EXT1: variants seen among roughly 807,000 people sequenced by gnomAD.
EXT1 encodes exostosin glycosyltransferase 1.
Under a neutral mutation model 82.5 loss-of-function variants are expected in EXT1, and 20 were observed. The ratio of observed to expected loss-of-function variants is 0.24; its 90% confidence interval spans 0.17 to 0.35. EXT1 has a LOEUF of 0.35. Ranked by LOEUF, EXT1 falls within the 10% of genes least tolerant of loss-of-function variation. The pLI is 1.00. For synonymous variants in EXT1, 348 were observed against 350.8 expected, an observed-to-expected ratio of 0.99 and a Z score of 0.09; for missense variants, 757 against 936.5, an observed-to-expected ratio of 0.81 and a Z score of 2.50.
At chr8:117,986,055 T>C (rs1815310260) in intron 1 of EXT1, among the ~76,000 whole-genome samples, 1 of 152,210 alleles carries the variant, frequency 6.6e-6, no homozygotes, top group Admixed American at 6.5e-5. Flanking sequence ...CGGTGACTCC[T>C]GAGTGTTAGG....
In EXT1 at chr8:117,804,734, T is replaced by G. The variant is rs746481404; in HGVS notation, c.2043A>C (p.Thr681=). 1 of 1,614,122 alleles carries G rather than the reference T, an allele frequency of 6.2e-7. No homozygotes were observed. Among genetic ancestry groups the G allele is most frequent in the Admixed American group, 1.7e-5 (1 of 60,024 alleles). The change falls in exon 10 of 11, where the codon ACA becomes ACC. Residue 681 remains threonine, a synonymous_variant. Coordinates refer to ENST00000378204, the MANE Select transcript of EXT1 (RefSeq NM_000127.3). ...CTTCTATACTTACCTGTCCCATCAT[T>G]GTCTCCTTATACTGCTTCTTCTGGG... ...KVTQKKQYKE[T]MMGQTSRASR... is the part of the protein sequence containing the mutation.
intron 1 of EXT1, among the ~76,000 whole-genome samples, chr8:118,100,778 G>C (rs1032087273): frequency 4.6e-5 from 7 of 151,846 alleles, no homozygotes; most frequent in African/African-American, 9.7e-5. Context: ...CTGGAAAAGA[G>C]ATCACCTGCA....
At chr8:117,893,635 C>G (rs561433759) in intron 1 of EXT1, among the ~76,000 whole-genome samples, 2 of 152,288 alleles carry the variant, frequency 1.3e-5, no homozygotes, top group South Asian at 4.1e-4. Flanking sequence ...TGAGCTTGTC[C>G]CAATCCCTGG....
At chr8:117,965,963 AAAAT>A (rs1015467148) in intron 1 of EXT1, among the ~76,000 whole-genome samples, 3 of 151,420 alleles carry the variant, frequency 2.0e-5, no homozygotes, top group African/African-American at 4.9e-5. Context: ...TGTCCATGGT[AAAAT>A]AAATAAATAA....
At chr8:118,059,800 C>A (rs1816854638) in intron 1 of EXT1, among the ~76,000 whole-genome samples, 12 of 152,202 alleles carry the variant, frequency 7.9e-5, no homozygotes, top group Admixed American at 7.9e-4. Context: ...ATAATACTCA[C>A]CATGTTTGTG....
At chr8:118,014,891 G>A (rs113508370) in intron 1 of EXT1, among the ~76,000 whole-genome samples, 14 of 152,238 alleles carry the variant, frequency 9.2e-5, no homozygotes, top group African/African-American at 2.9e-4. Flanking sequence ...GGATGGGAAC[G>A]GTGAATTCCA....
intron 1 of EXT1, among the ~76,000 whole-genome samples, chr8:117,989,426 G>A (rs1281412883): frequency 2.6e-5 from 4 of 151,988 alleles, no homozygotes; most frequent in South Asian, 2.1e-4. Flanking sequence ...TCAATTACAC[G>A]CTCCTTGAGA....
chr8:117,961,135 T>TCCCTCCTA (rs1187059557), intron 1 of EXT1, among the ~76,000 whole-genome samples: 1 of 151,796 alleles, frequency 6.6e-6, no homozygotes, highest in Non-Finnish European at 1.5e-5. Context: ...CTTCCCTCCT[T>TCCCTCCTA]CCCTCCTTCC....
At chr8:118,101,719 C>G (rs75420977) in intron 1 of EXT1, among the ~76,000 whole-genome samples, 1 of 152,126 alleles carries the variant, frequency 6.6e-6, no homozygotes, top group Non-Finnish European at 1.5e-5. Context: ...TTCAAAGGCC[C>G]CCTGGCAGGA....
At chr8:117,963,641 C>A (rs943745259) in intron 1 of EXT1, among the ~76,000 whole-genome samples, 2 of 152,096 alleles carry the variant, frequency 1.3e-5, no homozygotes, top group Non-Finnish European at 2.9e-5. Flanking sequence ...CAGGAAGACA[C>A]CACACGCCTG....
At position 117,797,607 on chromosome 8, in the gene EXT1, ATAATT is replaced by A. The variant is rs1823104579; in HGVS notation, c.*2100_*2104del. The A allele has an allele frequency of 6.6e-6, 1 of 152,266 alleles. No individual in the cohort carries two copies. The highest frequency in any genetic ancestry group is 6.5e-5 in the Admixed American group (1 of 15,294). 9.4% of individuals were successfully genotyped at this position (152,266 alleles called of 1,614,324 possible). ...GAATAATTTGCCAATCCTGAAAAAA[ATAATT>A]TAAATACAAATTCACAAAGGCCAAA... On this transcript the variant is annotated 3_prime_UTR_variant, in exon 11 of 11. Coordinates refer to ENST00000378204, the MANE Select transcript of EXT1 (RefSeq NM_000127.3).
intron 1 of EXT1, among the ~76,000 whole-genome samples, chr8:118,067,860 C>A (rs954653374): frequency 6.6e-6 from 1 of 152,166 alleles, no homozygotes. Flanking sequence ...AGGGCTGGAT[C>A]AACAGAGTGA....
intron 1 of EXT1, among the ~76,000 whole-genome samples, chr8:118,076,505 T>G (rs1322673245): frequency 6.6e-6 from 1 of 152,224 alleles, no homozygotes; most frequent in East Asian, 1.9e-4. Context: ...AATATGTCTG[T>G]CTCAGCCCCT....
intron 1 of EXT1, among the ~76,000 whole-genome samples, chr8:118,029,317 T>C (rs1374584473): frequency 6.6e-6 from 1 of 152,100 alleles, no homozygotes; most frequent in Non-Finnish European, 1.5e-5. Flanking sequence ...TCCTAGCTAA[T>C]TGGGAGGCTG....
At chr8:118,072,262 T>A (rs1205926053) in intron 1 of EXT1, among the ~76,000 whole-genome samples, 1 of 152,130 alleles carries the variant, frequency 6.6e-6, no homozygotes, top group Non-Finnish European at 1.5e-5. Flanking sequence ...TACCATGGCT[T>A]CAAAAAAGCA....
chr8:118,092,011 A>G (rs1439732644), intron 1 of EXT1, among the ~76,000 whole-genome samples: 1 of 152,176 alleles, frequency 6.6e-6, no homozygotes, highest in Non-Finnish European at 1.5e-5. Flanking sequence ...AATATACACC[A>G]TCCCTGTTCT....
chr8:117,862,765 G>C (rs1342750973), intron 1 of EXT1, among the ~76,000 whole-genome samples: 1 of 145,672 alleles, frequency 6.9e-6, no homozygotes, highest in Non-Finnish European at 1.5e-5. Context: ...CTTATGGGTG[G>C]ACAGTGGCAT....
intron 1 of EXT1, among the ~76,000 whole-genome samples, chr8:117,858,583 C>T (rs1812608250): frequency 6.6e-6 from 1 of 151,434 alleles, no homozygotes; most frequent in South Asian, 2.1e-4. Flanking sequence ...GAGGCTGAGG[C>T]AGGAGAATGG....
At chr8:117,996,543 C>T (rs1332869684) in intron 1 of EXT1, among the ~76,000 whole-genome samples, 2 of 152,142 alleles carry the variant, frequency 1.3e-5, no homozygotes, top group Non-Finnish European at 1.5e-5. Context: ...CCCTATACAT[C>T]GTGGAACAAA....
Sources: allele counts gnomAD v4.1 joint callset (sites outside exome capture counted in the v4.1 genomes callset), GRCh38; gene constraint gnomAD v4.1.1; transcripts MANE v1.5; gene names NCBI Gene and HGNC (gene_info 2026-07-23, HGNC 2026-07-21).